Variants in ANK2 observed in about 807,000 individuals in gnomAD.
The protein encoded by ANK2 is ankyrin 2.
In ANK2, 83 loss-of-function variants were observed where a neutral mutation model predicts 360.5. That is an observed-to-expected ratio of 0.23 (90% CI 0.19 to 0.28). The LOEUF (loss-of-function observed/expected upper bound fraction) is 0.28, where lower values mean the gene tolerates loss of function less well. Ranked by LOEUF, ANK2 falls within the 10% of genes least tolerant of loss-of-function variation. The pLI is 1.00. For missense variants in ANK2, 4,201 were observed against 4,795.7 expected (o/e 0.88, Z 3.66); for synonymous variants, 1,740 against 1,759.5 (o/e 0.99, Z 0.28).
chr4:112,947,150 C>T (rs1002220616), intron 2 of ANK2, among the ~76,000 whole-genome samples: 1 of 152,180 alleles, frequency 6.6e-6, no homozygotes, highest in Non-Finnish European at 1.5e-5. Context: ...CATAACTAAA[C>T]AGTTATTTAA....
In ANK2 at chr4:113,353,279, G is replaced by A. The variant is rs750610924; in HGVS notation, c.4661G>A (p.Arg1554Lys). ...GGAGAGCCTTTTGAAATCGTTGAAA[G>A]AGTTAAAGAGGACTTAGAGAAAGTG... is the stretch of plus-strand genomic sequence containing the variant. ...EPGEPFEIVE[R>K]VKEDLEKVNE... Residue 1554 changes from arginine to lysine, a missense_variant, in exon 38 of 46, where the codon AGA becomes AAA. Physicochemically the swap from Arg to Lys is conservative, Grantham distance 26. This residue lies in a region of ANK2 where 1,268 missense variants were observed against 1,650.8 expected (regional missense o/e 0.77). Coordinates refer to ENST00000357077, the MANE Select transcript of ANK2 (RefSeq NM_001148.6). 2 of 1,613,932 alleles carry A rather than the reference G, an allele frequency of 1.2e-6. No homozygotes were observed. The highest frequency in any genetic ancestry group is 4.5e-5 in the East Asian group (2 of 44,868).
At chr4:113,059,803 A>G (rs1438022678) in intron 1 of ANK2, among the ~76,000 whole-genome samples, 4 of 152,158 alleles carry the variant, frequency 2.6e-5, no homozygotes, top group Non-Finnish European at 5.9e-5. Flanking sequence ...GAATAAGTTC[A>G]TATACTGAGG....
intron 1 of ANK2, among the ~76,000 whole-genome samples, chr4:112,838,167 T>A (rs1221431785): frequency 1.3e-5 from 2 of 152,158 alleles, no homozygotes; most frequent in East Asian, 3.9e-4. Flanking sequence ...TGAGTTCTCA[T>A]GAGAGCTGAT....
chr4:112,960,620 C>T (rs142927715), intron 2 of ANK2, among the ~76,000 whole-genome samples: 71 of 152,094 alleles, frequency 4.7e-4, no homozygotes, highest in African/African-American at 1.5e-3. Context: ...TAATTCAAGA[C>T]GAAAATTAAA....
At chr4:112,925,907 G>A (rs1028934246) in intron 2 of ANK2, among the ~76,000 whole-genome samples, 1 of 152,200 alleles carries the variant, frequency 6.6e-6, no homozygotes, top group Non-Finnish European at 1.5e-5. Context: ...TCTTTTAATA[G>A]AATGTTTACA....
chr4:113,339,449 C>G, intron 32 of ANK2, 127 bp downstream of exon 32: 1 of 785,528 alleles, frequency 1.3e-6, no homozygotes, highest in Admixed American at 2.1e-5. Flanking sequence ...TATGGTCTGC[C>G]TTTGCTTTTA....
chr4:113,025,621 C>G (rs2059124858), intron 2 of ANK2, among the ~76,000 whole-genome samples: 1 of 152,194 alleles, frequency 6.6e-6, no homozygotes, highest in South Asian at 2.1e-4. Flanking sequence ...GAATGCAACT[C>G]TCTCCATATG....
chr4:113,341,550 C>A, intron 32 of ANK2, 138 bp from the exon 33 acceptor site: 1 of 819,394 alleles, frequency 1.2e-6, no homozygotes, highest in Non-Finnish European at 2.0e-6. Context: ...CTTTGGCCTT[C>A]TCTCATTATC....
At chr4:113,173,545 G>T (rs1043865805) in intron 1 of ANK2, among the ~76,000 whole-genome samples, 1 of 152,114 alleles carries the variant, frequency 6.6e-6, no homozygotes, top group Admixed American at 6.5e-5. Flanking sequence ...GTTTATCATC[G>T]TTATTATGTT....
chr4:112,730,742 G>A, the ANK2 span, among the ~76,000 whole-genome samples: 1 of 151,788 alleles, frequency 6.6e-6, no homozygotes, highest in Non-Finnish European at 1.5e-5. Context: ...GCTGGGCACA[G>A]TGGCTCATGC....
rs187700203 is a variant in ANK2 at position 113,375,500 on chromosome 4, C to T, written c.11859+2051C>T. Among the ~76,000 whole-genome samples, 177 of 151,948 alleles carry T rather than the reference C, an allele frequency of 1.2e-3. 1 individual carries two copies. In the East Asian group the frequency reaches 0.025, roughly 21 times the overall value. On this transcript the variant is annotated intron_variant, in intron 45 of 45. Transcript: ENST00000357077. ...CAGCACTTTGGGAGGCCGAGGCAGG[C>T]GGATCACAAGGTCAGGAGATCGAGA...
chr4:113,014,773 C>T (rs979970439), intron 2 of ANK2, among the ~76,000 whole-genome samples: 2 of 138,786 alleles, frequency 1.4e-5, no homozygotes, highest in African/African-American at 5.4e-5. Flanking sequence ...ATATAGTGTT[C>T]TTAATATATA....
chr4:113,207,154 T>C (rs2098961639), intron 4 of ANK2, among the ~76,000 whole-genome samples: 1 of 152,200 alleles, frequency 6.6e-6, no homozygotes, highest in African/African-American at 2.4e-5. Context: ...GACAATAATA[T>C]TTTCATTTAT....
At chr4:113,376,720 T>C (rs1037189238) in intron 45 of ANK2, among the ~76,000 whole-genome samples, 1 of 152,096 alleles carries the variant, frequency 6.6e-6, no homozygotes, top group African/African-American at 2.4e-5. Context: ...GCATTAAAAA[T>C]TGTTTTTCTT....
At chr4:112,742,544 C>A in the ANK2 span, among the ~76,000 whole-genome samples, 9 of 151,980 alleles carry the variant, frequency 5.9e-5, no homozygotes, top group Non-Finnish European at 1.3e-4. Context: ...ATATTTTAGA[C>A]AATGGTTATC....
rs1181940613 is a variant in ANK2, at chr4:113,373,318, T to C, written c.11728T>C (p.Ser3910Pro). ...GAAAATCATTAGGCGGTATGTATCC[T>C]CTGAAGGCACAGAGAAAGAAGAGAT... ...TRKIIRRYVS[S>P]EGTEKEEIMV... The change falls in exon 45 of 46, where the codon TCT becomes CCT. Residue 3910 changes from serine (S) to proline (P), a missense_variant. Coordinates refer to ENST00000357077, the MANE Select transcript of ANK2 (RefSeq NM_001148.6). 11 of 1,614,046 alleles carry C rather than the reference T, an allele frequency of 6.8e-6. No homozygotes were observed. The Middle Eastern group carries it at 4.9e-4, about 72-fold the overall frequency.
chr4:113,355,337 C>G lies in ANK2; in HGVS notation c.6719C>G (p.Pro2240Arg), dbSNP rs2095683457. ...AAGCATGAAGGCCTAGCAGAGACCC[C>G]TGAGACGAGCCCAGAAAGCCTTTCT... Reference protein sequence around the residue: ...SYKHEGLAETPETSPESLSFS... With the variant: ...SYKHEGLAETRETSPESLSFS... The change falls in exon 38 of 46, where the codon CCT becomes CGT. Residue 2240 changes from proline to arginine, a missense_variant. By Grantham distance (103) the Pro-to-Arg change is moderately radical. Around this residue, in one of 4 missense-constraint regions of ANK2, gnomAD observed 2,642 missense variants for 2,714.5 expected, o/e 0.97. Transcript: ENST00000357077. 1.9e-6 allele frequency: 3 copies of G among 1,614,008 alleles called. No individual in the cohort carries two copies. Among genetic ancestry groups the G allele is most frequent in the Non-Finnish European group, 2.5e-6 (3 of 1,179,970 alleles).
chr4:113,208,203 G>T (rs2098977049), intron 4 of ANK2, among the ~76,000 whole-genome samples: 1 of 151,958 alleles, frequency 6.6e-6, no homozygotes, highest in Non-Finnish European at 1.5e-5. Flanking sequence ...GCAGCTTGGA[G>T]AACAAGTCGA....
chr4:113,037,395 C>G (rs2061842031), intron 2 of ANK2, among the ~76,000 whole-genome samples: 1 of 151,882 alleles, frequency 6.6e-6, no homozygotes, highest in African/African-American at 2.4e-5. Context: ...CTTAGTTGCT[C>G]TCATCAATTT....
Sources: gnomAD v4.1 joint callset for allele counts (sites outside exome capture counted in the v4.1 genomes callset) on GRCh38, gnomAD v4.1.1 for gene constraint, gnomAD v4.1.1 regional missense constraint, MANE v1.5 for transcripts, NCBI Gene and HGNC (gene_info 2026-07-23, HGNC 2026-07-21) for gene names.